CWC27: variants seen among roughly 807,000 people sequenced by gnomAD.
CWC27 encodes the protein spliceosome-associated protein CWC27 homolog.
CWC27 carries 47 observed loss-of-function variants against 63.6 expected under a neutral mutation model. The ratio of observed to expected loss-of-function variants is 0.74; its 90% CI spans 0.58 to 0.94. The LOEUF is 0.94. Among genes scored for constraint, CWC27 ranks in the 40% least tolerant of loss-of-function variants. The probability of loss-of-function intolerance (pLI) is 0.00; values close to 1 mark genes in which losing one functional copy is unlikely to be tolerated. For synonymous variants in CWC27, 175 were observed against 179.8 expected, an observed-to-expected ratio of 0.97 and a Z score of 0.22; for missense variants, 495 against 554.3, an observed-to-expected ratio of 0.89 and a Z score of 1.07.
intron 6 of CWC27, among the ~76,000 whole-genome samples, chr5:64,787,841 T>G (rs1238446948): frequency 6.6e-6 from 1 of 152,084 alleles, no homozygotes; most frequent in Non-Finnish European, 1.5e-5. Context: ...AAAGGCAAAG[T>G]TGATTAAACT....
chr5:65,002,855 A>G (rs1749756795), intron 13 of CWC27, among the ~76,000 whole-genome samples: 1 of 152,184 alleles, frequency 6.6e-6, no homozygotes, highest in African/African-American at 2.4e-5. Flanking sequence ...TTTTCTGTCT[A>G]GATGATCTCT....
intron 10 of CWC27, among the ~76,000 whole-genome samples, chr5:64,875,065 TAGAC>T (rs1352761050): frequency 6.7e-6 from 1 of 149,494 alleles, no homozygotes; most frequent in Non-Finnish European, 1.5e-5. Context: ...ACTTGGTGCT[TAGAC>T]AGAATAGCAA....
chr5:64,838,980 T>A (rs183934279), intron 10 of CWC27, among the ~76,000 whole-genome samples: 13 of 152,268 alleles, frequency 8.5e-5, no homozygotes, highest in African/African-American at 3.1e-4. Context: ...TAACAGGAAG[T>A]GAGAAGCTGT....
At chr5:64,959,713 A>G (rs751212304) in intron 11 of CWC27, among the ~76,000 whole-genome samples, 5 of 152,242 alleles carry the variant, frequency 3.3e-5, no homozygotes, top group Non-Finnish European at 7.3e-5. Context: ...CTAAGGCCCT[A>G]CAAGTCCCTC....
At chr5:64,879,786 G>A (rs2112335940) in intron 10 of CWC27, among the ~76,000 whole-genome samples, 1 of 124,388 alleles carries the variant, frequency 8.0e-6, no homozygotes, top group South Asian at 2.6e-4. Context: ...TGAGAAATCG[G>A]TTGCAAAAAA....
intron 13 of CWC27, among the ~76,000 whole-genome samples, chr5:65,007,019 A>AAAGG (rs1749859879): frequency 6.8e-6 from 1 of 146,370 alleles, no homozygotes; most frequent in Non-Finnish European, 1.5e-5. Context: ...AGAAAGAAAG[A>AAAGG]AAGAAAAGAA....
At position 64,844,232 on chromosome 5, in the gene CWC27, G is replaced by A. The variant is rs73101363; in HGVS notation, c.938+39846G>A. ...ATATGCTTCTTATGAAACCCACTCCGAAGCAATCAGCATGGCTAGACTGCC... is the reference window on the plus strand; with the variant it reads ...ATATGCTTCTTATGAAACCCACTCCAAAGCAATCAGCATGGCTAGACTGCC... On this transcript the variant is annotated intron_variant, in intron 10 of 13. Transcript: ENST00000381070. Among the ~76,000 whole-genome samples, 1,025 of 152,220 alleles carry A rather than the reference G, an allele frequency of 6.7e-3. 9 individuals carry two copies. The highest frequency in any genetic ancestry group is 0.023 in the African/African-American group (960 of 41,530).
chr5:64,927,955 GACCAGCC>G (rs1748152321), intron 11 of CWC27, among the ~76,000 whole-genome samples: 2 of 152,134 alleles, frequency 1.3e-5, no homozygotes, highest in Admixed American at 6.5e-5. Flanking sequence ...AGGAGTTCGA[GACCAGCC>G]TGGACAACAT....
intron 11 of CWC27, among the ~76,000 whole-genome samples, chr5:64,955,887 A>G (rs1337091784): frequency 6.6e-6 from 1 of 152,162 alleles, no homozygotes; most frequent in Non-Finnish European, 1.5e-5. Context: ...TATTAAAATT[A>G]TTAGGAAAAA....
At chr5:64,954,484 A>T (rs572015926) in intron 11 of CWC27, among the ~76,000 whole-genome samples, 8 of 151,922 alleles carry the variant, frequency 5.3e-5, no homozygotes, top group Non-Finnish European at 1.0e-4. Context: ...GGATCTCGCT[A>T]TGTTGCCCAG....
chr5:64,966,862 T>C (rs1749023602), intron 11 of CWC27, among the ~76,000 whole-genome samples: 1 of 151,980 alleles, frequency 6.6e-6, no homozygotes, highest in Non-Finnish European at 1.5e-5. Context: ...TATATTTGTG[T>C]TGAAATTTTT....
At chr5:64,934,776 CT>C (rs1237551481) in intron 11 of CWC27, among the ~76,000 whole-genome samples, 1 of 152,304 alleles carries the variant, frequency 6.6e-6, no homozygotes, top group East Asian at 1.9e-4. Context: ...TGTTTCCTGA[CT>C]TTTTAATCAT....
intron 11 of CWC27, among the ~76,000 whole-genome samples, chr5:64,897,072 G>A (rs1747396175): frequency 6.6e-6 from 1 of 152,094 alleles, no homozygotes; most frequent in East Asian, 1.9e-4. Context: ...AATTAGCCAG[G>A]TGTGGCAGTG....
At chr5:64,778,026 A>AAATAAAATAAAATAAAATAAAAT (rs1743521307) in intron 2 of CWC27, among the ~76,000 whole-genome samples, 2 of 152,202 alleles carry the variant, frequency 1.3e-5, no homozygotes, top group Non-Finnish European at 2.9e-5. Context: ...TCTTAAAATA[A>AAATAAAATAAAATAAAATAAAAT]AAAGCCAGCA....
intron 13 of CWC27, among the ~76,000 whole-genome samples, chr5:64,995,043 C>G (rs1043892512): frequency 6.9e-6 from 1 of 144,634 alleles, no homozygotes; most frequent in Non-Finnish European, 1.5e-5. Context: ...GAGTCTCACT[C>G]TGTCACCCAG....
intron 7 of CWC27, among the ~76,000 whole-genome samples, chr5:64,793,268 T>C (rs995599063): frequency 2.6e-5 from 4 of 152,066 alleles, no homozygotes; most frequent in South Asian, 2.1e-4. Context: ...TCACATGCGA[T>C]TGGATCTTGG....
chr5:64,879,481 A>G (rs1746884605), intron 10 of CWC27, among the ~76,000 whole-genome samples: 1 of 151,984 alleles, frequency 6.6e-6, no homozygotes. Context: ...AGAAGGTAGA[A>G]AAGTAGAACC....
intron 9 of CWC27, among the ~76,000 whole-genome samples, chr5:64,803,995 G>A (rs180944381): frequency 8.5e-4 from 130 of 152,112 alleles, no homozygotes; most frequent in African/African-American, 2.0e-3. Context: ...TGAGTTGAGC[G>A]AACAGCCTTT....
chr5:64,967,244 G>A (rs993393180), intron 11 of CWC27, among the ~76,000 whole-genome samples: 2 of 151,978 alleles, frequency 1.3e-5, no homozygotes, highest in African/African-American at 4.8e-5. Context: ...CCAGCACCAT[G>A]ACTGTACATG....
Sources: allele counts gnomAD v4.1 joint callset (sites outside exome capture counted in the v4.1 genomes callset), GRCh38; gene constraint gnomAD v4.1.1; transcripts MANE v1.5; gene names NCBI Gene and HGNC (gene_info 2026-07-23, HGNC 2026-07-21).